RPS16: variants seen among roughly 807,000 people sequenced by gnomAD.
RPS16 encodes ribosomal protein S16.
RPS16 carries 2 observed loss-of-function variants against 20.1 expected under a neutral mutation model. The ratio of observed to expected loss-of-function variants is 0.10; its 90% confidence interval spans 0.04 to 0.31. The LOEUF (loss-of-function observed/expected upper bound fraction) is 0.31. Among genes scored for constraint, RPS16 ranks in the 10% least tolerant of loss-of-function variants. The probability of loss-of-function intolerance (pLI) is 1.00; values close to 1 mark genes in which losing one functional copy is unlikely to be tolerated. For missense variants in RPS16, 129 were observed against 198.6 expected (o/e 0.65, Z 2.11); for synonymous variants, 95 against 76.1 (o/e 1.25, Z -1.29).
intron 1 of RPS16, 57 bp from the exon 2 acceptor site, chr19:39,435,765 A>AC (rs1236617789): frequency 1.9e-6 from 3 of 1,604,496 alleles, no homozygotes; most frequent in Non-Finnish European, 1.7e-6. Context: ...CTCCCATGTT[A>AC]CCCCCTAGAT....
intron 3 of RPS16, 21 bp downstream of exon 3, chr19:39,433,644 C>G (rs373056723): frequency 1.2e-6 from 2 of 1,614,124 alleles, no homozygotes; most frequent in African/African-American, 2.7e-5. Flanking sequence ...CTCCTCCATG[C>G]GCCCAGTTCC....
chr19:39,434,321 C>T, intron 2 of RPS16: 1 of 160,414 alleles, frequency 6.2e-6, no homozygotes, highest in Admixed American at 5.7e-5. Context: ...TCACAGGTCT[C>T]CTTCCCCAGT....
rs2078860439 is a variant in RPS16, at chr19:39,435,883, C to A, written c.13G>T (p.Gly5Cys). The A allele has an allele frequency of 1.2e-6, 2 of 1,606,590 alleles. No homozygotes were observed. Among genetic ancestry groups the A allele is most frequent in the Non-Finnish European group, 1.7e-6 (2 of 1,179,978 alleles). MPSK[G>C]PLQSVQVFGR... The stretch of plus-strand genomic sequence containing the variant: ...AAGACCTGCACAGACTGCAGCGGGC[C>A]CTTGGACGGCATGGCTCCGAGCGTG... Residue 5 changes from glycine (G) to cysteine (C), a missense_variant, in exon 1 of 5, where the codon GGC becomes TGC. Physicochemically the swap from Gly to Cys is radical, Grantham distance 159 (BLOSUM62 -3). Around this residue, in one of 2 missense-constraint regions of RPS16, gnomAD observed 117 missense variants for 151.4 expected, o/e 0.77. Coordinates refer to ENST00000251453, the MANE Select transcript of RPS16 (RefSeq NM_001020.6).
At chr19:39,434,032 C>T in intron 2 of RPS16, 2 of 446,580 alleles carry the variant, frequency 4.5e-6, no homozygotes, top group South Asian at 2.2e-5. Flanking sequence ...CCTCACTGGA[C>T]CTCAGACACC....
intron 2 of RPS16, chr19:39,434,521 A>C (rs1325403613): frequency 2.0e-5 from 3 of 152,288 alleles, no homozygotes; most frequent in Non-Finnish European, 4.4e-5. Flanking sequence ...CATCTGCTAC[A>C]CAAAGGAAAT....
Position 39,435,927 on chromosome 19 carries a change from C to T in RPS16, c.-32G>A. On this transcript the variant is annotated 5_prime_UTR_variant, in exon 1 of 5. Transcript: ENST00000251453. The stretch of plus-strand genomic sequence containing the variant: ...GAGCGTGGACTAGACAACCTCACCG[C>T]GCGGCGCCGCAACCGGAAAAGGAAA... 3 of 1,602,368 alleles carry T rather than the reference C, an allele frequency of 1.9e-6. No individual in the cohort carries two copies.
chr19:39,435,463 T>A, intron 2 of RPS16, 144 bp downstream of exon 2: 1 of 634,444 alleles, frequency 1.6e-6, no homozygotes, highest in Non-Finnish European at 2.7e-6. Context: ...CCCAGCTCTA[T>A]TGCCAAATAC....
intron 2 of RPS16, chr19:39,434,807 C>T (rs1269888504): frequency 6.6e-6 from 1 of 152,194 alleles, no homozygotes; most frequent in Non-Finnish European, 1.5e-5. Flanking sequence ...CAGCAAGATA[C>T]TGTTTTTAAA....
At chr19:39,434,362 G>C (rs2078847856) in intron 2 of RPS16, 1 of 156,932 alleles carries the variant, frequency 6.4e-6, no homozygotes, top group Non-Finnish European at 1.4e-5. Context: ...TTCTGGTATT[G>C]GGCCCAGTCC....
At chr19:39,435,821 C>T (rs758169396) in intron 1 of RPS16, 27 bp downstream of exon 1, 2 of 1,610,754 alleles carry the variant, frequency 1.2e-6, no homozygotes, top group African/African-American at 1.3e-5. Context: ...TCCTTCCCCT[C>T]CCCTTCCCAT....
At chr19:39,435,545 C>A (rs369695294) in intron 2 of RPS16, 62 bp downstream of exon 2, 6 of 1,408,578 alleles carry the variant, frequency 4.3e-6, no homozygotes. Flanking sequence ...CTTTCAAGAG[C>A]TACAACATCT....
At chr19:39,435,236 T>G in intron 2 of RPS16, 2 of 206,840 alleles carry the variant, frequency 9.7e-6, no homozygotes, top group South Asian at 8.4e-5. Flanking sequence ...GAGGCGAAGG[T>G]TGCAGTGATC....
chr19:39,434,710 C>G (rs911265878), intron 2 of RPS16: 11 of 151,958 alleles, frequency 7.2e-5, no homozygotes, highest in African/African-American at 2.7e-4. Flanking sequence ...TCTTGGCAAC[C>G]GAAAGGCTGA....
chr19:39,435,207 G>A (rs540759961), intron 2 of RPS16: 21 of 183,450 alleles, frequency 1.1e-4, no homozygotes, highest in South Asian at 4.0e-4. Context: ...GCTGAGGCAG[G>A]AGAATCGCTT....
chr19:39,433,644 C>T lies in RPS16; in HGVS notation c.247+21G>A, dbSNP rs373056723. 2.8e-5 allele frequency: 45 copies of T among 1,614,124 alleles called. No individual in the cohort carries two copies. In the Admixed American group the frequency reaches 4.7e-4, roughly 17 times the overall value. On this transcript the variant is annotated intron_variant, in intron 3 of 4. Coordinates refer to ENST00000251453, the MANE Select transcript of RPS16 (RefSeq NM_001020.6). The stretch of plus-strand genomic sequence containing the variant: ...CCCTCCCAGAGCCACCTCCTCCATG[C>T]GCCCAGTTCCTGGGACTCACCATAA...
rs759412312 is a variant in RPS16, at chr19:39,435,886, T to C, written c.10A>G (p.Lys4Glu). 1.2e-6 allele frequency: 2 copies of C among 1,606,250 alleles called. No homozygotes were observed. The highest frequency in any genetic ancestry group is 3.3e-5 in the Admixed American group (2 of 60,012). The change falls in exon 1 of 5, where the codon AAG becomes GAG. Residue 4 changes from lysine to glutamate, a missense_variant. This residue lies in a region of RPS16 where 117 missense variants were observed against 151.4 expected (regional missense o/e 0.77). Coordinates refer to ENST00000251453, the MANE Select transcript of RPS16 (RefSeq NM_001020.6). ...ACCTGCACAGACTGCAGCGGGCCCTTGGACGGCATGGCTCCGAGCGTGGAC... is the reference window on the plus strand; with the variant it reads ...ACCTGCACAGACTGCAGCGGGCCCTCGGACGGCATGGCTCCGAGCGTGGAC... The part of the protein sequence containing the change: MPS[K>E]GPLQSVQVFG...
chr19:39,435,857 G>A lies in RPS16; in HGVS notation c.39C>T (p.Phe13=). The change falls in exon 1 of 5, where the codon TTC becomes TTT. Residue 13 remains phenylalanine (F), a synonymous_variant. Transcript: ENST00000251453. Reference sequence around the variant, plus strand: ...CCGGCGTCTGGCTCACCTTGCGTCCGAAGACCTGCACAGACTGCAGCGGGC... The same window carrying A: ...CCGGCGTCTGGCTCACCTTGCGTCCAAAGACCTGCACAGACTGCAGCGGGC... ...SKGPLQSVQV[F]GRKKTATAVA... 1.2e-6 allele frequency: 2 copies of A among 1,609,944 alleles called. No homozygotes were observed. The highest frequency in any genetic ancestry group is 1.7e-6 in the Non-Finnish European group (2 of 1,179,960).
chr19:39,435,823 C>T lies in RPS16; in HGVS notation c.48+25G>A, dbSNP rs575139086. ...GACCCTGGCCTTCTCCTTCCCCTCC[C>T]CTTCCCATCCGGCGTCTGGCTCACC... On this transcript the variant is annotated intron_variant, in intron 1 of 4. Transcript: ENST00000251453. 7.4e-5 allele frequency: 120 copies of T among 1,610,898 alleles called. No homozygotes were observed. The East Asian group carries it at 2.6e-3, about 35-fold the overall frequency.
rs1206549214 is a variant in RPS16, at chr19:39,433,315, T to A, written c.399A>T (p.Gly133=). ...DPRRCESKKF[G]GPGARARYQK... ...GGTAGCGAGCGCGGGCACCAGGGCCTCCAAACTTTTTGGACTCGCAGCGAC... is the reference window on the plus strand; with the variant it reads ...GGTAGCGAGCGCGGGCACCAGGGCCACCAAACTTTTTGGACTCGCAGCGAC... Residue 133 remains glycine (G), a synonymous_variant, in exon 5 of 5, where the codon GGA becomes GGT. Transcript: ENST00000251453. The A allele has an allele frequency of 1.2e-6, 2 of 1,613,520 alleles. No individual in the cohort carries two copies. The highest frequency in any genetic ancestry group is 1.7e-6 in the Non-Finnish European group (2 of 1,180,028).
Sources: gnomAD v4.1 joint callset for allele counts on GRCh38, gnomAD v4.1.1 for gene constraint, gnomAD v4.1.1 regional missense constraint, MANE v1.5 for transcripts, NCBI Gene and HGNC (gene_info 2026-07-23, HGNC 2026-07-21) for gene names.